ROR2: variants seen among roughly 807,000 people sequenced by gnomAD.
ROR2 encodes the protein tyrosine-protein kinase transmembrane receptor ROR2.
In ROR2, 33 loss-of-function variants were observed where a neutral mutation model predicts 74.9. That is an observed-to-expected ratio of 0.44 (90% CI 0.33 to 0.59). ROR2 has a LOEUF of 0.59. Ranked by LOEUF, ROR2 falls within the 20% of genes least tolerant of loss-of-function variation. The pLI, the probability that ROR2 is intolerant of heterozygous loss-of-function variation, is 0.02. For missense variants in ROR2, 1,216 were observed against 1,313.8 expected (o/e 0.93, Z 1.15); for synonymous variants, 586 against 558.7 (o/e 1.05, Z -0.69).
At chr9:91,732,743 G>C (rs1458345720) in intron 6 of ROR2, among the ~76,000 whole-genome samples, 4 of 152,190 alleles carry the variant, frequency 2.6e-5, no homozygotes, top group Non-Finnish European at 5.9e-5. Flanking sequence ...CTGACCGTCG[G>C]GCAAGTTAGG....
intron 1 of ROR2, among the ~76,000 whole-genome samples, chr9:91,788,463 C>T (rs1354565186): frequency 6.6e-6 from 1 of 151,744 alleles, no homozygotes; most frequent in East Asian, 1.9e-4. Context: ...CGGTTTATCT[C>T]ATAAAAGGGA....
At chr9:91,900,402 C>CG (rs1372474861) in intron 1 of ROR2, among the ~76,000 whole-genome samples, 1 of 152,222 alleles carries the variant, frequency 6.6e-6, no homozygotes, top group African/African-American at 2.4e-5. Flanking sequence ...CTGGCGCAGG[C>CG]CCCCCCACGC....
At chr9:91,892,912 T>TA (rs911622110) in intron 1 of ROR2, among the ~76,000 whole-genome samples, 1 of 152,142 alleles carries the variant, frequency 6.6e-6, no homozygotes, top group African/African-American at 2.4e-5. Context: ...TCTTTTGTAC[T>TA]ATCCTTGTGA....
intron 1 of ROR2, among the ~76,000 whole-genome samples, chr9:91,851,148 C>T (rs538129693): frequency 3.9e-4 from 60 of 152,072 alleles, no homozygotes; most frequent in African/African-American, 1.4e-3. Flanking sequence ...GTCAGGAGAT[C>T]GAGACCATCC....
At chr9:91,796,360 G>A (rs1827164738) in intron 1 of ROR2, among the ~76,000 whole-genome samples, 1 of 150,810 alleles carries the variant, frequency 6.6e-6, no homozygotes, top group Non-Finnish European at 1.5e-5. Context: ...TTGAGTCTGG[G>A]AGGTCAAGGC....
chr9:91,848,185 T>C (rs1175185028), intron 1 of ROR2, among the ~76,000 whole-genome samples: 1 of 152,234 alleles, frequency 6.6e-6, no homozygotes, highest in Non-Finnish European at 1.5e-5. Flanking sequence ...ATGCCAGTCC[T>C]AATCAAGACA....
At chr9:91,815,525 C>T (rs1827899542) in intron 1 of ROR2, among the ~76,000 whole-genome samples, 2 of 152,210 alleles carry the variant, frequency 1.3e-5, no homozygotes, top group South Asian at 2.1e-4. Context: ...CAATCAAGCT[C>T]CTCTTGCCTT....
intron 6 of ROR2, among the ~76,000 whole-genome samples, 196 bp from the exon 7 acceptor site, chr9:91,731,351 A>T (rs1192877376): frequency 6.6e-6 from 1 of 152,180 alleles, no homozygotes; most frequent in African/African-American, 2.4e-5. Flanking sequence ...AGGCATGGGG[A>T]AGGAAACTTG....
chr9:91,791,098 C>T (rs1826959273), intron 1 of ROR2, among the ~76,000 whole-genome samples: 2 of 152,178 alleles, frequency 1.3e-5, no homozygotes, highest in African/African-American at 4.8e-5. Flanking sequence ...CAGTAATGCC[C>T]TAAGCCTTCA....
In ROR2 at chr9:91,757,404, T is replaced by C. The variant is rs1211578873; in HGVS notation, c.331A>G (p.Ile111Val). Residue 111 changes from isoleucine (I) to valine (V), a missense_variant, in exon 3 of 9, where the codon ATC (isoleucine) becomes GTC (valine). Coordinates refer to ENST00000375708, the MANE Select transcript of ROR2 (RefSeq NM_004560.4). ...PVVQEPRRII[I>V]RKTEYGSRLR... ...CGTGAACCATATTCTGTCTTCCGGATGATGATCCGCCGCGGCTCCTGCACC... is the reference window on the plus strand; with the variant it reads ...CGTGAACCATATTCTGTCTTCCGGACGATGATCCGCCGCGGCTCCTGCACC... 1.9e-6 allele frequency: 3 copies of C among 1,613,868 alleles called. No individual in the cohort carries two copies. The highest frequency in any genetic ancestry group is 2.2e-5 in the East Asian group (1 of 44,864).
rs761970127 is a variant in ROR2 at position 91,725,033 on chromosome 9, G to A, written c.1461C>T (p.Val487=). 3 of 1,613,916 alleles carry A rather than the reference G, an allele frequency of 1.9e-6. No homozygotes were observed. Among genetic ancestry groups the A allele is most frequent in the Non-Finnish European group, 2.5e-6 (3 of 1,180,058 alleles). ...CAGGGCCGAACAGGTGACCTTTGTA[G>A]ACTTTCCCAAACCGGTCCTCTCCCA... The part of the protein sequence containing the change: ...EELGEDRFGK[V]YKGHLFGPAP... The change falls in exon 9 of 9, where the codon GTC becomes GTT. Residue 487 remains valine (V), a synonymous_variant. Transcript: ENST00000375708.
chr9:91,873,270 C>T (rs992361968), intron 1 of ROR2, among the ~76,000 whole-genome samples: 3 of 152,182 alleles, frequency 2.0e-5, no homozygotes, highest in Non-Finnish European at 4.4e-5. Context: ...GAAGCTCTCT[C>T]TAGCAAGAGC....
chr9:91,906,064 G>A (rs891902807), intron 1 of ROR2, among the ~76,000 whole-genome samples: 8 of 151,360 alleles, frequency 5.3e-5, no homozygotes, highest in African/African-American at 1.9e-4. Flanking sequence ...GCATAATAAA[G>A]TTAAACTCAG....
Position 91,724,848 on chromosome 9 carries a change from A to G in ROR2, c.1646T>C (p.Leu549Pro), listed in dbSNP as rs756321168. 4 of 1,603,444 alleles carry G rather than the reference A, an allele frequency of 2.5e-6. No individual in the cohort carries two copies. The highest frequency in any genetic ancestry group is 1.3e-5 in the African/African-American group (1 of 74,892). ...LLGVVTKDQP[L>P]SMIFSYCSHG... ...CGAACAGTAGCTGAAGATCATGCTC[A>G]GGGGCTGGTCCTTGGTCACCACGCC... Residue 549 changes from leucine to proline, a missense_variant, in exon 9 of 9, where the codon CTG becomes CCG. Physicochemically the swap from Leu to Pro is moderately conservative, Grantham distance 98 (BLOSUM62 -3). Coordinates refer to ENST00000375708, the MANE Select transcript of ROR2 (RefSeq NM_004560.4).
rs532277745 is a variant in ROR2 at position 91,905,166 on chromosome 9, C to A, written c.97+44701G>T. 1.2e-5 allele frequency among the ~76,000 whole-genome samples: 1 copy of A among 82,206 alleles called. No individual in the cohort carries two copies. Among genetic ancestry groups the A allele is most frequent in the Non-Finnish European group, 2.5e-5 (1 of 39,860 alleles). 53.9% of individuals were successfully genotyped at this position (82,206 alleles called of 152,430 possible). ...CAAATATCACACATGCAAGACACACCACACAACACATACCATACACAACAC... is the reference window on the plus strand; with the variant it reads ...CAAATATCACACATGCAAGACACACAACACAACACATACCATACACAACAC... On this transcript the variant is annotated intron_variant, in intron 1 of 8. Transcript: ENST00000375708. The surrounding 1 kb of genome is among the most constrained non-coding windows in gnomAD (Gnocchi z 5.3).
chr9:91,912,946 T>G (rs1042009559), intron 1 of ROR2, among the ~76,000 whole-genome samples: 3 of 152,144 alleles, frequency 2.0e-5, no homozygotes, highest in Non-Finnish European at 4.4e-5. Context: ...CTGCCCAACA[T>G]GGCGAAACCC....
At chr9:91,887,461 T>C (rs1431143439) in intron 1 of ROR2, among the ~76,000 whole-genome samples, 2 of 152,244 alleles carry the variant, frequency 1.3e-5, no homozygotes, top group African/African-American at 4.8e-5. Context: ...TCCTGCTCAA[T>C]GCTAAGCTGT....
chr9:91,926,841 G>A (rs758319445), intron 1 of ROR2, among the ~76,000 whole-genome samples: 6 of 152,104 alleles, frequency 3.9e-5, no homozygotes, highest in Non-Finnish European at 7.3e-5. Flanking sequence ...ACTCAGGAGC[G>A]GGGAATAAAG....
chr9:91,911,719 T>G (rs756984380), intron 1 of ROR2, among the ~76,000 whole-genome samples: 3 of 152,044 alleles, frequency 2.0e-5, no homozygotes, highest in Non-Finnish European at 4.4e-5. Flanking sequence ...AGAAACAGTA[T>G]ACTCACACTC....
Sources: allele counts gnomAD v4.1 joint callset (sites outside exome capture counted in the v4.1 genomes callset), GRCh38; gene constraint gnomAD v4.1.1; non-coding constraint Gnocchi (gnomAD v3.1); transcripts MANE v1.5; gene names NCBI Gene and HGNC (gene_info 2026-07-23, HGNC 2026-07-21).